Variants in COL24A1 observed in about 807,000 individuals in gnomAD.
COL24A1 encodes the protein collagen type XXIV alpha 1 chain, also known as collagen alpha-1(XXIV) chain.
Under a neutral mutation model 253.9 loss-of-function variants are expected in COL24A1, and 224 were observed. The ratio of observed to expected loss-of-function variants is 0.88; its 90% confidence interval spans 0.79 to 0.99. COL24A1 has a LOEUF of 0.99. COL24A1 is among the 50% of genes least tolerant of loss of function. The pLI is 0.00. For synonymous variants in COL24A1, 685 were observed against 673.7 expected (o/e 1.02, Z -0.26); for missense variants, 2,131 against 2,068.5 (o/e 1.03, Z -0.59).
chr1:85,736,167 A>G (rs1664028578), intron 58 of COL24A1: 3 of 383,604 alleles, frequency 7.8e-6, no homozygotes, highest in Admixed American at 3.1e-5. Flanking sequence ...CCTGGCACAG[A>G]GCAGGCCCTC....
chr1:85,780,978 C>G lies in COL24A1; in HGVS notation c.4338+242G>C, dbSNP rs146507315. ...CATCTCTATGTTTATAACACTCTCC[C>G]CTTCCTGACTCAGTTCTATTTTCTT... On this transcript the variant is annotated intron_variant, in intron 52 of 59. Transcript: ENST00000370571. Among the ~76,000 whole-genome samples, 1,481 of 152,188 alleles carry G rather than the reference C, an allele frequency of 9.7e-3. 10 individuals are homozygous for G. Among genetic ancestry groups the G allele is most frequent in the Non-Finnish European group, 0.017 (1,153 of 67,956 alleles).
chr1:85,868,417 C>T, intron 37 of COL24A1, 102 bp downstream of exon 37: 1 of 716,554 alleles, frequency 1.4e-6, no homozygotes. Flanking sequence ...CAATTATCCA[C>T]TGGATATATA....
chr1:86,107,023 T>G (rs1016571126), intron 5 of COL24A1, among the ~76,000 whole-genome samples: 1 of 152,224 alleles, frequency 6.6e-6, no homozygotes, highest in Non-Finnish European at 1.5e-5. Flanking sequence ...CGGGATAACC[T>G]GGAACCTTGG....
chr1:86,135,126 T>A (rs1445891007), intron 2 of COL24A1, among the ~76,000 whole-genome samples: 1 of 150,634 alleles, frequency 6.6e-6, no homozygotes, highest in African/African-American at 2.4e-5. Context: ...TCTCTTTTGA[T>A]CCTTGTTGGT....
chr1:85,862,558 C>T (rs976273249), intron 37 of COL24A1, among the ~76,000 whole-genome samples: 5 of 152,142 alleles, frequency 3.3e-5, no homozygotes, highest in African/African-American at 1.2e-4. Flanking sequence ...AGCTCCAACC[C>T]GTTTGTTTTG....
intron 5 of COL24A1, among the ~76,000 whole-genome samples, chr1:86,108,599 A>G: frequency 6.9e-6 from 1 of 144,752 alleles, no homozygotes. Context: ...CCTGATGAAA[A>G]TGGAGAAACC....
At chr1:85,736,339 G>T (rs965897333) in intron 58 of COL24A1, 14 of 456,144 alleles carry the variant, frequency 3.1e-5, no homozygotes, top group African/African-American at 6.0e-5. Flanking sequence ...GAAACAACTA[G>T]AGTCCGCTTC....
At chr1:85,972,123 A>G (rs1311610063) in intron 20 of COL24A1, among the ~76,000 whole-genome samples, 1 of 151,904 alleles carries the variant, frequency 6.6e-6, no homozygotes, top group Non-Finnish European at 1.5e-5. Context: ...CTGTTCTCCT[A>G]ATTATTCAAG....
At chr1:85,999,025 G>A (rs555475348) in intron 19 of COL24A1, among the ~76,000 whole-genome samples, 4 of 152,294 alleles carry the variant, frequency 2.6e-5, no homozygotes, top group South Asian at 4.1e-4. Flanking sequence ...TAAAATCTCC[G>A]ATTCTGACAA....
intron 28 of COL24A1, among the ~76,000 whole-genome samples, chr1:85,896,801 G>C (rs991927574): frequency 1.3e-5 from 2 of 152,134 alleles, no homozygotes; most frequent in Non-Finnish European, 2.9e-5. Flanking sequence ...CACCGCGCAC[G>C]GCCAAGATGT....
chr1:85,934,147 G>C (rs2103116040), intron 24 of COL24A1, among the ~76,000 whole-genome samples: 1 of 152,214 alleles, frequency 6.6e-6, no homozygotes, highest in South Asian at 2.1e-4. Flanking sequence ...GCTTCCCCCA[G>C]ATTAAGTGAT....
intron 7 of COL24A1, among the ~76,000 whole-genome samples, chr1:86,075,387 G>A (rs1702177530): frequency 6.6e-6 from 1 of 152,046 alleles, no homozygotes; most frequent in Admixed American, 6.5e-5. Flanking sequence ...TTCTGAAATT[G>A]AGGCAGTTAT....
rs1396885138 is a variant in COL24A1, at chr1:85,868,563, C to T, written c.3256G>A (p.Gly1086Arg). 1 of 1,613,930 alleles carries T rather than the reference C, an allele frequency of 6.2e-7. No individual in the cohort carries two copies. The highest frequency in any genetic ancestry group is 2.2e-5 in the East Asian group (1 of 44,860). ...DGEKGEMGLP[G>R]IIGPLGRSGQ... ...GATCTACCCAAGGGTCCTATAATTCCTGGTAAGCCCATCTCTCCTTTTTCT... is the reference window on the plus strand; with the variant it reads ...GATCTACCCAAGGGTCCTATAATTCTTGGTAAGCCCATCTCTCCTTTTTCT... Residue 1086 changes from glycine to arginine, a missense_variant, in exon 37 of 60, where the codon GGA (glycine) becomes AGA (arginine). By Grantham distance (125) the Gly-to-Arg change is moderately radical. Coordinates refer to ENST00000370571, the MANE Select transcript of COL24A1 (RefSeq NM_152890.7).
chr1:85,961,501 A>T (rs1028226414), intron 23 of COL24A1, among the ~76,000 whole-genome samples: 2 of 152,168 alleles, frequency 1.3e-5, no homozygotes, highest in African/African-American at 2.4e-5. Context: ...CATCCTGCAC[A>T]TGTACCCCAG....
chr1:85,995,946 AC>A (rs1644414425), intron 19 of COL24A1, among the ~76,000 whole-genome samples: 1 of 152,190 alleles, frequency 6.6e-6, no homozygotes, highest in African/African-American at 2.4e-5. Flanking sequence ...AGCCTGCATA[AC>A]TGTGAGCCAA....
At chr1:85,842,511 C>A in intron 39 of COL24A1, 118 bp from the exon 40 acceptor site, 1 of 731,940 alleles carries the variant, frequency 1.4e-6, no homozygotes, top group Non-Finnish European at 2.2e-6. Flanking sequence ...TGAAATTTAC[C>A]TAGTTTGAAA....
intron 25 of COL24A1, among the ~76,000 whole-genome samples, chr1:85,910,637 C>T (rs1015843796): frequency 7.2e-5 from 11 of 151,864 alleles, no homozygotes; most frequent in African/African-American, 2.7e-4. Context: ...CATTTTGTTA[C>T]ATTGTTAGTA....
At chr1:86,115,419 C>G (rs376550908) in intron 3 of COL24A1, 41 bp from the exon 4 acceptor site, 4 of 1,569,432 alleles carry the variant, frequency 2.5e-6, no homozygotes, top group Non-Finnish European at 3.5e-6. Flanking sequence ...TGATAGTGGA[C>G]ACATTTATTT....
intron 12 of COL24A1, among the ~76,000 whole-genome samples, chr1:86,036,237 C>T (rs1699004054): frequency 6.6e-6 from 1 of 152,012 alleles, no homozygotes; most frequent in Admixed American, 6.6e-5. Flanking sequence ...TACCTCCTGC[C>T]TCAGCCTCCC....
Sources: gnomAD v4.1 joint callset for allele counts (sites outside exome capture counted in the v4.1 genomes callset) on GRCh38, gnomAD v4.1.1 for gene constraint, MANE v1.5 for transcripts, NCBI Gene and HGNC (gene_info 2026-07-23, HGNC 2026-07-21) for gene names.